PCDH9: variants seen among roughly 807,000 people sequenced by gnomAD.
The protein encoded by PCDH9 is protocadherin-9.
A neutral mutation model predicts 70.6 loss-of-function variants in PCDH9; 24 were observed. The ratio of observed to expected loss-of-function variants is 0.34; its 90% CI spans 0.25 to 0.48. The LOEUF (loss-of-function observed/expected upper bound fraction) is 0.48, where lower values mean the gene tolerates loss of function less well. Among genes scored for constraint, PCDH9 ranks in the 20% least tolerant of loss-of-function variants. PCDH9 has a pLI of 0.99. For missense variants in PCDH9, 1,281 were observed against 1,503.6 expected, an observed-to-expected ratio of 0.85 and a Z score of 2.45; for synonymous variants, 562 against 558.5, an observed-to-expected ratio of 1.01 and a Z score of -0.09.
At chr13:67,150,918 A>G (rs557235349) in intron 2 of PCDH9, among the ~76,000 whole-genome samples, 1 of 152,218 alleles carries the variant, frequency 6.6e-6, no homozygotes, top group South Asian at 2.1e-4. Context: ...TGTTTAACCA[A>G]CTTTGTAAGT....
intron 4 of PCDH9, among the ~76,000 whole-genome samples, chr13:66,305,860 A>G (rs1037703772): frequency 1.3e-5 from 2 of 152,102 alleles, no homozygotes; most frequent in Admixed American, 6.6e-5. Flanking sequence ...TACTTTTTTC[A>G]CCAGCAGGCA....
intron 3 of PCDH9, among the ~76,000 whole-genome samples, chr13:66,853,229 A>G (rs1025740482): frequency 6.8e-6 from 1 of 146,030 alleles, no homozygotes; most frequent in African/African-American, 2.5e-5. Flanking sequence ...TAATAATAAT[A>G]ATGATAAAAT....
intron 2 of PCDH9, among the ~76,000 whole-genome samples, chr13:67,108,626 T>C (rs2086594872): frequency 6.6e-6 from 1 of 152,196 alleles, no homozygotes; most frequent in African/African-American, 2.4e-5. Flanking sequence ...ATTACAGGAA[T>C]AAAGATTAAT....
At chr13:67,026,173 C>G (rs1041802593) in intron 2 of PCDH9, among the ~76,000 whole-genome samples, 5 of 152,090 alleles carry the variant, frequency 3.3e-5, no homozygotes, top group East Asian at 1.9e-4. Context: ...ATTGAACCAG[C>G]CTTGCATCCC....
chr13:66,626,876 A>C (rs1164194917), intron 4 of PCDH9, among the ~76,000 whole-genome samples: 1 of 152,100 alleles, frequency 6.6e-6, no homozygotes, highest in Non-Finnish European at 1.5e-5. Context: ...AAAATCGATA[A>C]TACTAATAAC....
chr13:67,132,414 G>T (rs2087130510), intron 2 of PCDH9, among the ~76,000 whole-genome samples: 1 of 152,042 alleles, frequency 6.6e-6, no homozygotes, highest in Admixed American at 6.6e-5. Flanking sequence ...GTTGTTCATG[G>T]TTTCTCCAGC....
chr13:66,723,781 C>A (rs1345355204), intron 3 of PCDH9, among the ~76,000 whole-genome samples: 1 of 152,100 alleles, frequency 6.6e-6, no homozygotes, highest in East Asian at 1.9e-4. Flanking sequence ...CAGCACAGTG[C>A]AACATGCCCA....
chr13:66,879,006 A>C (rs1000871966), intron 3 of PCDH9, among the ~76,000 whole-genome samples: 1 of 152,182 alleles, frequency 6.6e-6, no homozygotes, highest in Non-Finnish European at 1.5e-5. Flanking sequence ...ATACACTGTC[A>C]TTCAGCATAA....
intron 3 of PCDH9, among the ~76,000 whole-genome samples, chr13:66,637,241 T>G (rs2077650452): frequency 6.6e-6 from 1 of 152,182 alleles, no homozygotes; most frequent in African/African-American, 2.4e-5. Context: ...GGTTATGGCC[T>G]AATTTGCTAT....
chr13:66,636,167 T>G (rs2077634434), intron 3 of PCDH9, among the ~76,000 whole-genome samples: 1 of 152,146 alleles, frequency 6.6e-6, no homozygotes, highest in Admixed American at 6.5e-5. Context: ...GATTATGATA[T>G]TCAAAAATGT....
intron 3 of PCDH9, among the ~76,000 whole-genome samples, chr13:66,849,543 G>GAC (rs1441598378): frequency 1.3e-5 from 2 of 149,212 alleles, no homozygotes; most frequent in Non-Finnish European, 1.5e-5. Flanking sequence ...GAGAGAGAGA[G>GAC]AGATTGCAAA....
intron 2 of PCDH9, among the ~76,000 whole-genome samples, chr13:66,913,253 G>A (rs1050395115): frequency 3.3e-5 from 5 of 151,986 alleles, no homozygotes; most frequent in African/African-American, 1.2e-4. Context: ...TAGAGAATGG[G>A]GTGGGGGAGA....
At chr13:66,612,660 G>C (rs949109494) in intron 4 of PCDH9, among the ~76,000 whole-genome samples, 11 of 152,138 alleles carry the variant, frequency 7.2e-5, no homozygotes, top group Non-Finnish European at 1.5e-4. Context: ...GATCCCTGAA[G>C]AAACTCAACC....
At chr13:67,084,987 AAAAAAAAAAAATATAT>A (rs1194493248) in intron 2 of PCDH9, among the ~76,000 whole-genome samples, 4 of 74,974 alleles carry the variant, frequency 5.3e-5, no homozygotes, top group African/African-American at 1.5e-4. Context: ...AAAAAAAAAA[AAAAAAAAAAAATATAT>A]ATATATATAT....
intron 4 of PCDH9, among the ~76,000 whole-genome samples, chr13:66,452,651 T>C (rs555719948): frequency 1.3e-5 from 2 of 152,188 alleles, no homozygotes; most frequent in African/African-American, 4.8e-5. Context: ...TATGACACCA[T>C]TCTCCTGAAT....
intron 1 of PCDH9, among the ~76,000 whole-genome samples, chr13:67,229,153 C>T (rs985785199): frequency 6.6e-6 from 1 of 151,352 alleles, no homozygotes; most frequent in Non-Finnish European, 1.5e-5. Flanking sequence ...AGTCACCGGC[C>T]TCTACACATC....
chr13:66,764,372 A>G (rs1166176682), intron 3 of PCDH9, among the ~76,000 whole-genome samples: 1 of 151,986 alleles, frequency 6.6e-6, no homozygotes, highest in Admixed American at 6.6e-5. Flanking sequence ...CTTGTGACTT[A>G]GACAGGAGTC....
chr13:66,939,877 G>A (rs1953999396), intron 2 of PCDH9, among the ~76,000 whole-genome samples: 1 of 152,010 alleles, frequency 6.6e-6, no homozygotes, highest in South Asian at 2.1e-4. Flanking sequence ...AACATCTTTG[G>A]GAACGAGAGA....
At chr13:66,938,695 A>G (rs1388815470) in intron 2 of PCDH9, among the ~76,000 whole-genome samples, 1 of 152,150 alleles carries the variant, frequency 6.6e-6, no homozygotes. Context: ...CCACTCTTTC[A>G]TCTTAAGCCC....
Sources: allele counts gnomAD v4.1 joint callset (sites outside exome capture counted in the v4.1 genomes callset), GRCh38; gene constraint gnomAD v4.1.1; transcripts MANE v1.5; gene names NCBI Gene and HGNC (gene_info 2026-07-23, HGNC 2026-07-21).